Variants in GLIS3 observed in about 807,000 individuals in gnomAD.
GLIS3 encodes GLIS family zinc finger 3, also known as zinc finger protein GLIS3.
In GLIS3, 53 loss-of-function variants were observed where a neutral mutation model predicts 78.6. That is an observed-to-expected ratio of 0.67 (90% CI 0.54 to 0.85). GLIS3 has a LOEUF of 0.85. Ranked by LOEUF, GLIS3 falls within the 40% of genes least tolerant of loss-of-function variation. The pLI, the probability that GLIS3 is intolerant of heterozygous loss-of-function variation, is 0.00. For missense variants in GLIS3, 1,703 were observed against 1,231.1 expected (o/e 1.38, Z -5.74); for synonymous variants, 684 against 509.9 (o/e 1.34, Z -4.60).
chr9:4,472,468 G>A, the GLIS3 span, among the ~76,000 whole-genome samples: 1 of 152,212 alleles, frequency 6.6e-6, no homozygotes, highest in Non-Finnish European at 1.5e-5. Context: ...GGACATGGAT[G>A]AAGCTGGAAA....
intron 4 of GLIS3, among the ~76,000 whole-genome samples, chr9:4,001,958 A>T (rs1026308198): frequency 1.3e-5 from 2 of 152,186 alleles, no homozygotes; most frequent in Non-Finnish European, 2.9e-5. Context: ...GTGATACTAT[A>T]AACAGTGGCC....
At chr9:4,096,335 C>G (rs1328094505) in intron 4 of GLIS3, among the ~76,000 whole-genome samples, 2 of 152,148 alleles carry the variant, frequency 1.3e-5, no homozygotes, top group Admixed American at 6.5e-5. Flanking sequence ...GTGAATCACT[C>G]CTACATAGTC....
chr9:4,364,349 AC>A, the GLIS3 span, among the ~76,000 whole-genome samples: 2 of 152,192 alleles, frequency 1.3e-5, no homozygotes, highest in African/African-American at 4.8e-5. Context: ...TGTATAGCAT[AC>A]CTTGGGTGAG....
the GLIS3 span, among the ~76,000 whole-genome samples, chr9:4,357,961 C>T: frequency 1.3e-5 from 2 of 152,170 alleles, no homozygotes; most frequent in African/African-American, 4.8e-5. Context: ...AGTTATATTA[C>T]ATCTACATTA....
intron 4 of GLIS3, among the ~76,000 whole-genome samples, chr9:4,108,285 C>G (rs1297254787): frequency 6.6e-6 from 1 of 152,142 alleles, no homozygotes; most frequent in Non-Finnish European, 1.5e-5. Flanking sequence ...AATCTTTTCT[C>G]AGCTGTTCAC....
Position 4,272,442 on chromosome 9 carries a change from G to C in GLIS3, c.388+13596C>G, listed in dbSNP as rs563262719. Among the ~76,000 whole-genome samples, 7 of 152,152 alleles carry C rather than the reference G, an allele frequency of 4.6e-5. No homozygotes were observed. The South Asian group carries it at 1.2e-3, about 27-fold the overall frequency. On this transcript the variant is annotated intron_variant, in intron 2 of 10. Coordinates refer to ENST00000381971, the MANE Select transcript of GLIS3 (RefSeq NM_001042413.2). ...CTATGGAAATATTTAGGGCTCTGAA[G>C]TCAGCATAACATGGGGTAAAAAATA...
At chr9:4,034,853 C>T (rs1320607777) in intron 4 of GLIS3, 1 of 152,140 alleles carries the variant, frequency 6.6e-6, no homozygotes, top group Admixed American at 6.6e-5. Flanking sequence ...GAATGACCTT[C>T]TTCTTCAGAG....
intron 7 of GLIS3, among the ~76,000 whole-genome samples, chr9:3,897,810 G>T (rs1281837893): frequency 1.3e-5 from 2 of 152,046 alleles, no homozygotes; most frequent in Non-Finnish European, 2.9e-5. Context: ...AATTCTAATG[G>T]CTTATTCATA....
the GLIS3 span, among the ~76,000 whole-genome samples, chr9:4,475,732 A>G: frequency 6.6e-6 from 1 of 152,228 alleles, no homozygotes; most frequent in Non-Finnish European, 1.5e-5. Flanking sequence ...TTTTGTGTAC[A>G]AGGGAGGGGA....
At chr9:3,965,008 A>T (rs914828891) in intron 4 of GLIS3, among the ~76,000 whole-genome samples, 2 of 152,030 alleles carry the variant, frequency 1.3e-5, no homozygotes, top group South Asian at 4.2e-4. Context: ...GTGATCTTGG[A>T]CATAAAAAAA....
At chr9:3,875,791 T>C (rs1451357332) in intron 8 of GLIS3, among the ~76,000 whole-genome samples, 2 of 152,168 alleles carry the variant, frequency 1.3e-5, no homozygotes, top group East Asian at 1.9e-4. Flanking sequence ...ACACGTCCAG[T>C]AGGGGAGAAT....
the GLIS3 span, among the ~76,000 whole-genome samples, chr9:4,423,605 AT>A: frequency 2.0e-5 from 3 of 152,226 alleles, no homozygotes; most frequent in Admixed American, 6.5e-5. Flanking sequence ...TAAGGGATTT[AT>A]TTTTGAAAAA....
intron 2 of GLIS3, among the ~76,000 whole-genome samples, chr9:4,161,932 T>G (rs952395042): frequency 6.6e-6 from 1 of 151,892 alleles, no homozygotes; most frequent in Non-Finnish European, 1.5e-5. Context: ...GTGATCCACC[T>G]GCCTCGGCCT....
Position 4,261,452 on chromosome 9 carries a change from G to A in GLIS3, c.388+24586C>T, listed in dbSNP as rs375704884. 1.4e-3 allele frequency among the ~76,000 whole-genome samples: 214 copies of A among 152,280 alleles called. 1 individual carries two copies. Among genetic ancestry groups the A allele is most frequent in the African/African-American group, 5.0e-3 (206 of 41,554 alleles). On this transcript the variant is annotated intron_variant, in intron 2 of 10. Transcript: ENST00000381971. ...GTGAAAGTATGAATGGAAACATGGA[G>A]ATTAGGAAGAAACAGAGGTAGGGAA...
intron 3 of GLIS3, among the ~76,000 whole-genome samples, chr9:4,122,365 T>C (rs774334651): frequency 6.6e-6 from 1 of 152,166 alleles, no homozygotes; most frequent in African/African-American, 2.4e-5. Flanking sequence ...CTAAAAGAAT[T>C]AGTACTGTAT....
At chr9:4,352,425 G>T (rs1473153101), upstream of GLIS3, among the ~76,000 whole-genome samples, 1 of 152,270 alleles carries the variant, frequency 6.6e-6, no homozygotes, top group Admixed American at 6.5e-5. Flanking sequence ...GCCTGTGAGG[G>T]TATGGGGACA....
intron 4 of GLIS3, among the ~76,000 whole-genome samples, chr9:3,937,855 C>G (rs1057154333): frequency 1.3e-5 from 2 of 152,046 alleles, no homozygotes; most frequent in African/African-American, 2.4e-5. Context: ...AATCATTTTC[C>G]AAAAAAGTAC....
the GLIS3 span, among the ~76,000 whole-genome samples, chr9:4,392,451 G>T: frequency 6.6e-6 from 1 of 152,080 alleles, no homozygotes; most frequent in East Asian, 1.9e-4. Context: ...GGGGATCTTA[G>T]GGATGCACTA....
At chr9:4,419,781 A>AAAAC in the GLIS3 span, among the ~76,000 whole-genome samples, 20 of 152,186 alleles carry the variant, frequency 1.3e-4, no homozygotes, top group African/African-American at 3.1e-4. Flanking sequence ...CTCTGTCTCA[A>AAAAC]AAACAAACAA....
Sources: allele counts gnomAD v4.1 joint callset (sites outside exome capture counted in the v4.1 genomes callset), GRCh38; gene constraint gnomAD v4.1.1; transcripts MANE v1.5; gene names NCBI Gene and HGNC (gene_info 2026-07-23, HGNC 2026-07-21).